Variants in CLASP2 observed in about 807,000 individuals in gnomAD.
CLASP2 encodes CLIP-associating protein 2.
A neutral mutation model predicts 194.4 loss-of-function variants in CLASP2; 47 were observed. The ratio of observed to expected loss-of-function variants is 0.24; its 90% CI spans 0.19 to 0.31. The LOEUF is 0.31. Ranked by LOEUF, CLASP2 falls within the 10% of genes least tolerant of loss-of-function variation. The probability of loss-of-function intolerance (pLI) is 1.00; values close to 1 mark genes in which losing one functional copy is unlikely to be tolerated. For missense variants in CLASP2, 1,445 were observed against 1,823.6 expected (o/e 0.79, Z 3.78); for synonymous variants, 619 against 633.5 (o/e 0.98, Z 0.34).
chr3:33,703,769 C>T (rs944467441), intron 1 of CLASP2, among the ~76,000 whole-genome samples: 2 of 152,202 alleles, frequency 1.3e-5, no homozygotes, highest in Non-Finnish European at 2.9e-5. Context: ...TACAGGCATG[C>T]ACCACCATGC....
chr3:33,608,993 C>T (rs2074520276), intron 13 of CLASP2, among the ~76,000 whole-genome samples: 1 of 152,026 alleles, frequency 6.6e-6, no homozygotes, highest in Non-Finnish European at 1.5e-5. Context: ...AAATATAAAC[C>T]TTAAGGCTGG....
At chr3:33,662,684 T>A (rs1385677364) in intron 7 of CLASP2, among the ~76,000 whole-genome samples, 2 of 152,178 alleles carry the variant, frequency 1.3e-5, no homozygotes, top group African/African-American at 2.4e-5. Context: ...TACTCCAACA[T>A]CATTTATATT....
At chr3:33,565,351 T>C (rs2062519858) in intron 27 of CLASP2, among the ~76,000 whole-genome samples, 1 of 151,952 alleles carries the variant, frequency 6.6e-6, no homozygotes, top group Admixed American at 6.6e-5. Flanking sequence ...GCTAATTTTT[T>C]TGTACTTTTA....
rs2070486223 is a variant in CLASP2, at chr3:33,596,691, T to C, written c.1948+20A>G. ...GGTTCCATAAAAATCTTTAGTAGAA[T>C]TAGGAAAGGAAGTTCTTACCATCCA... On this transcript the variant is annotated intron_variant, in intron 19 of 38. Coordinates refer to ENST00000682230, the MANE Select transcript of CLASP2 (RefSeq NM_001365631.1). 1 of 1,546,230 alleles carries C rather than the reference T, an allele frequency of 6.5e-7. No homozygotes were observed. The highest frequency in any genetic ancestry group is 2.4e-5 in the East Asian group (1 of 42,416).
intron 17 of CLASP2, 116 bp from the exon 18 acceptor site, chr3:33,603,241 T>C (rs1183005052): frequency 2.8e-6 from 3 of 1,077,788 alleles, no homozygotes. Context: ...AAAAAGGCTG[T>C]GGCCAAATGG....
At chr3:33,587,888 G>A (rs1308858824) in intron 21 of CLASP2, among the ~76,000 whole-genome samples, 1 of 152,138 alleles carries the variant, frequency 6.6e-6, no homozygotes, top group Non-Finnish European at 1.5e-5. Context: ...ATAATGAACT[G>A]AGCACATACA....
At chr3:33,571,668 C>G (rs2063802607) in intron 25 of CLASP2, among the ~76,000 whole-genome samples, 1 of 151,068 alleles carries the variant, frequency 6.6e-6, no homozygotes, top group African/African-American at 2.4e-5. Context: ...AAAAACAAAT[C>G]AGCTGGGTGT....
rs775585212 is a variant in CLASP2 at position 33,639,795 on chromosome 3, C to A, written c.862+4962G>T. ...TGGTCAATCCCTAAATTCCAGATTTCAATAAAAGTGATCTGCTATATGGGA... is the reference window on the plus strand; with the variant it reads ...TGGTCAATCCCTAAATTCCAGATTTAAATAAAAGTGATCTGCTATATGGGA... On this transcript the variant is annotated intron_variant, in intron 8 of 38. Transcript: ENST00000682230. 3.3e-5 allele frequency among the ~76,000 whole-genome samples: 5 copies of A among 152,030 alleles called. No homozygotes were observed. The East Asian group carries it at 9.6e-4, about 29-fold the overall frequency.
intron 23 of CLASP2, among the ~76,000 whole-genome samples, chr3:33,578,145 T>C (rs1335797560): frequency 6.6e-6 from 1 of 152,352 alleles, no homozygotes; most frequent in East Asian, 1.9e-4. Context: ...GTACCATCTT[T>C]AATTTACATT....
intron 7 of CLASP2, among the ~76,000 whole-genome samples, chr3:33,658,039 G>A (rs1439683193): frequency 1.3e-5 from 2 of 152,046 alleles, no homozygotes; most frequent in Admixed American, 6.6e-5. Context: ...ACATATCTGT[G>A]ATGTTGATGT....
At chr3:33,625,673 T>C (rs2077917798) in intron 10 of CLASP2, among the ~76,000 whole-genome samples, 1 of 151,914 alleles carries the variant, frequency 6.6e-6, no homozygotes, top group Admixed American at 6.6e-5. Flanking sequence ...ATGAAGTTTG[T>C]TTTTTTATTT....
chr3:33,556,266 A>C (rs2060902894), intron 29 of CLASP2, among the ~76,000 whole-genome samples: 1 of 152,124 alleles, frequency 6.6e-6, no homozygotes. Flanking sequence ...AATTTTCTAG[A>C]TCTGATACTC....
chr3:33,615,187 T>C (rs751749794), intron 12 of CLASP2, among the ~76,000 whole-genome samples: 1 of 151,706 alleles, frequency 6.6e-6, no homozygotes, highest in Non-Finnish European at 1.5e-5. Flanking sequence ...TACCAATAAA[T>C]GGGTCAGAAA....
intron 6 of CLASP2, among the ~76,000 whole-genome samples, chr3:33,683,757 C>T (rs2090184269): frequency 6.6e-6 from 1 of 151,526 alleles, no homozygotes; most frequent in Non-Finnish European, 1.5e-5. Context: ...ACCTGGTCAA[C>T]ATGATGAAAC....
chr3:33,690,812 A>G (rs562744630), intron 2 of CLASP2, among the ~76,000 whole-genome samples: 1 of 152,292 alleles, frequency 6.6e-6, no homozygotes, highest in African/African-American at 2.4e-5. Context: ...CCTGCCTATT[A>G]GTCCCTTAGT....
chr3:33,570,872 TAAA>T (rs67476972), intron 25 of CLASP2, 82 bp from the exon 26 acceptor site: 3,296 of 783,092 alleles, frequency 4.2e-3, no homozygotes, highest in South Asian at 5.2e-3. Context: ...TAATTTTCTT[TAAA>T]AAAAAAAAAA....
At chr3:33,504,412 A>C (rs982279935) in intron 37 of CLASP2, 4 of 152,194 alleles carry the variant, frequency 2.6e-5, no homozygotes, top group African/African-American at 9.6e-5. Flanking sequence ...GCAGTTAGCC[A>C]GTGACCTGAC....
chr3:33,629,561 T>C (rs569343575), intron 9 of CLASP2, among the ~76,000 whole-genome samples: 1 of 152,194 alleles, frequency 6.6e-6, no homozygotes, highest in South Asian at 2.1e-4. Context: ...GAAAGAAACA[T>C]GTCTGATAGC....
rs1408649033 is a variant in CLASP2, at chr3:33,496,369, C to G, written c.*2262G>C. On this transcript the variant is annotated 3_prime_UTR_variant, in exon 39 of 39. Coordinates refer to ENST00000682230, the MANE Select transcript of CLASP2 (RefSeq NM_001365631.1). The stretch of plus-strand genomic sequence containing the variant: ...AAATATAAACAGTAGCTTTTTGTGA[C>G]CATTTTTAAGTAGCTGACATCTCAG... 6.6e-6 allele frequency: 1 copy of G among 152,050 alleles called. No individual in the cohort carries two copies. The highest frequency in any genetic ancestry group is 1.5e-5 in the Non-Finnish European group (1 of 67,988). 9.4% of individuals were successfully genotyped at this position (152,050 alleles called of 1,614,324 possible).
Sources: allele counts gnomAD v4.1 joint callset (sites outside exome capture counted in the v4.1 genomes callset), GRCh38; gene constraint gnomAD v4.1.1; transcripts MANE v1.5; gene names NCBI Gene and HGNC (gene_info 2026-07-23, HGNC 2026-07-21).